The following ZFPM2 variants were observed in gnomAD, a reference collection of about 807,000 sequenced individuals.
The protein encoded by ZFPM2 is zinc finger protein, FOG family member 2.
ZFPM2 carries 20 observed loss-of-function variants against 98.6 expected under a neutral mutation model. The observed-to-expected ratio is 0.20, with a 90% CI of 0.14 to 0.29. The LOEUF (loss-of-function observed/expected upper bound fraction) is 0.29, where lower values mean the gene tolerates loss of function less well. ZFPM2 is among the 10% of genes least tolerant of loss of function. The pLI is 1.00. For synonymous variants in ZFPM2, 518 were observed against 502.7 expected (o/e 1.03, Z -0.41); for missense variants, 1,310 against 1,388.6 (o/e 0.94, Z 0.90).
chr8:105,768,711 A>G (rs575821050), intron 5 of ZFPM2, among the ~76,000 whole-genome samples: 1 of 152,134 alleles, frequency 6.6e-6, no homozygotes, highest in African/African-American at 2.4e-5. Context: ...TACAATGGAT[A>G]TAATAAAAAT....
chr8:105,607,982 A>G (rs965407392), intron 4 of ZFPM2, among the ~76,000 whole-genome samples: 1 of 152,118 alleles, frequency 6.6e-6, no homozygotes, highest in African/African-American at 2.4e-5. Flanking sequence ...AAAATTTGGT[A>G]CATATGGAAT....
At chr8:105,610,674 C>G (rs894800040) in intron 4 of ZFPM2, among the ~76,000 whole-genome samples, 9 of 152,024 alleles carry the variant, frequency 5.9e-5, no homozygotes, top group African/African-American at 1.9e-4. Flanking sequence ...GTTTGAAAAG[C>G]ATTTATTTTC....
chr8:105,366,744 C>T (rs1810520637), intron 1 of ZFPM2, among the ~76,000 whole-genome samples: 1 of 147,018 alleles, frequency 6.8e-6, no homozygotes, highest in South Asian at 2.2e-4. Context: ...TGTTCAATTC[C>T]CACCTATGAG....
In ZFPM2 at chr8:105,717,822, T is replaced by A. The variant is rs147801264; in HGVS notation, c.533-70896T>A. Among the ~76,000 whole-genome samples the A allele has an allele frequency of 7.9e-5, 12 of 152,046 alleles. No individual in the cohort carries two copies. In the East Asian group the frequency reaches 2.1e-3, roughly 27 times the overall value. On this transcript the variant is annotated intron_variant, in intron 5 of 7. Coordinates refer to ENST00000407775, the MANE Select transcript of ZFPM2 (RefSeq NM_012082.4). Reference sequence around the variant, plus strand: ...CATCTTGTCACATGCCTTGTCTTTATGTAAAGACATAGATATGTAAATGTA... The same window carrying A: ...CATCTTGTCACATGCCTTGTCTTTAAGTAAAGACATAGATATGTAAATGTA...
At chr8:105,432,960 G>T (rs1812048609) in intron 2 of ZFPM2, among the ~76,000 whole-genome samples, 1 of 151,964 alleles carries the variant, frequency 6.6e-6, no homozygotes, top group Non-Finnish European at 1.5e-5. Context: ...TAATTAGGTG[G>T]GCATGGTGGC....
At chr8:105,778,970 T>C (rs1813179112) in intron 5 of ZFPM2, among the ~76,000 whole-genome samples, 1 of 151,940 alleles carries the variant, frequency 6.6e-6, no homozygotes, top group Non-Finnish European at 1.5e-5. Flanking sequence ...TTGGAAGATG[T>C]TTTATTGATT....
chr8:105,319,155 C>G (rs1372663289), intron 1 of ZFPM2, among the ~76,000 whole-genome samples, 174 bp downstream of exon 1: 1 of 152,112 alleles, frequency 6.6e-6, no homozygotes, highest in African/African-American at 2.4e-5. Context: ...CATAGACAGA[C>G]AGACGGCCAG....
At chr8:105,613,574 GT>G (rs1816351236) in intron 4 of ZFPM2, among the ~76,000 whole-genome samples, 1 of 152,112 alleles carries the variant, frequency 6.6e-6, no homozygotes. Context: ...AGTTCTGGTA[GT>G]TTTTGGTATC....
chr8:105,756,086 C>A (rs535755799), intron 5 of ZFPM2, among the ~76,000 whole-genome samples: 1 of 152,288 alleles, frequency 6.6e-6, no homozygotes, highest in East Asian at 1.9e-4. Context: ...AAAAATGCTG[C>A]TGTTGTGGCT....
intron 4 of ZFPM2, among the ~76,000 whole-genome samples, chr8:105,600,637 G>C (rs995862469): frequency 6.6e-6 from 1 of 151,856 alleles, no homozygotes; most frequent in Non-Finnish European, 1.5e-5. Flanking sequence ...GGGAATAGCT[G>C]CTCATTTTTT....
chr8:105,492,124 TAACA>T (rs1813367648), intron 3 of ZFPM2, among the ~76,000 whole-genome samples: 1 of 152,162 alleles, frequency 6.6e-6, no homozygotes, highest in Non-Finnish European at 1.5e-5. Flanking sequence ...TAAATCAATT[TAACA>T]AACTGTGTTA....
intron 5 of ZFPM2, among the ~76,000 whole-genome samples, chr8:105,782,184 G>T (rs1277703445): frequency 6.6e-6 from 1 of 152,164 alleles, no homozygotes; most frequent in Non-Finnish European, 1.5e-5. Flanking sequence ...CAGGTGTGTA[G>T]CACATGGTAA....
intron 3 of ZFPM2, among the ~76,000 whole-genome samples, chr8:105,459,787 C>T (rs1812669692): frequency 1.3e-5 from 2 of 152,126 alleles, no homozygotes; most frequent in Admixed American, 6.5e-5. Context: ...TCCTTAAAGG[C>T]TATACCTTCA....
chr8:105,454,348 G>C (rs1369086703), intron 3 of ZFPM2, among the ~76,000 whole-genome samples: 1 of 152,188 alleles, frequency 6.6e-6, no homozygotes, highest in Non-Finnish European at 1.5e-5. Flanking sequence ...AATAAATTCA[G>C]ATTCGATATG....
rs550784986 is a variant in ZFPM2 at position 105,320,160 on chromosome 8, A to G, written c.40+1179A>G. ...CCCACCCCCAAATGTTGAAAATTCT[A>G]TTTGGTGTAGTTTAAAAATAAATCT... On this transcript the variant is annotated intron_variant, in intron 1 of 7. Coordinates refer to ENST00000407775, the MANE Select transcript of ZFPM2 (RefSeq NM_012082.4). Among the ~76,000 whole-genome samples the G allele has an allele frequency of 4.6e-5, 7 of 151,704 alleles. No individual in the cohort carries two copies. In the South Asian group the frequency reaches 8.3e-4, roughly 18 times the overall value.
chr8:105,471,392 C>T (rs898007940), intron 3 of ZFPM2, among the ~76,000 whole-genome samples: 1 of 152,160 alleles, frequency 6.6e-6, no homozygotes, highest in African/African-American at 2.4e-5. Flanking sequence ...GACACTATTT[C>T]AGGAGTCTAA....
chr8:105,743,842 T>C (rs920421052), intron 5 of ZFPM2, among the ~76,000 whole-genome samples: 3 of 152,132 alleles, frequency 2.0e-5, no homozygotes, highest in Non-Finnish European at 4.4e-5. Flanking sequence ...TCTACAAGAA[T>C]GCATTTTCTT....
At chr8:105,436,540 C>T (rs2130169793) in intron 2 of ZFPM2, among the ~76,000 whole-genome samples, 1 of 151,638 alleles carries the variant, frequency 6.6e-6, no homozygotes, top group Admixed American at 6.6e-5. Flanking sequence ...ATTATGCAAC[C>T]ATAATGAAGA....
At chr8:105,633,189 G>T (rs891514070) in intron 4 of ZFPM2, among the ~76,000 whole-genome samples, 2 of 152,186 alleles carry the variant, frequency 1.3e-5, no homozygotes, top group Non-Finnish European at 2.9e-5. Flanking sequence ...GCCAATTTGG[G>T]AAATTTGTGA....
Sources: allele counts gnomAD v4.1 joint callset (sites outside exome capture counted in the v4.1 genomes callset), GRCh38; gene constraint gnomAD v4.1.1; transcripts MANE v1.5; gene names NCBI Gene and HGNC (gene_info 2026-07-23, HGNC 2026-07-21).